The following FRMPD4 variants were observed in gnomAD, a reference collection of about 807,000 sequenced individuals.
FRMPD4 encodes the protein FERM and PDZ domain containing 4, also known as FERM and PDZ domain-containing protein 4.
FRMPD4 carries 22 observed loss-of-function variants against 94.1 expected under a neutral mutation model. The ratio of observed to expected loss-of-function variants is 0.23; its 90% CI spans 0.17 to 0.33. The LOEUF (loss-of-function observed/expected upper bound fraction) is 0.33, where lower values mean the gene tolerates loss of function less well. FRMPD4 is among the 10% of genes least tolerant of loss of function. The pLI, the probability that FRMPD4 is intolerant of heterozygous loss-of-function variation, is 1.00. For synonymous variants in FRMPD4, 631 were observed against 548.6 expected (o/e 1.15, Z -2.10); for missense variants, 1,111 against 1,339.9 (o/e 0.83, Z 2.67).
At chrX:12,216,390 T>C (rs1233503356) in intron 1 of FRMPD4, among the ~76,000 whole-genome samples, 1 of 111,860 alleles carries the variant, frequency 8.9e-6, no homozygotes, top group Non-Finnish European at 1.9e-5. Context: ...AAGCATAAGC[T>C]GTTGCATCTT....
chrX:12,353,111 A>T (rs1035491800), intron 1 of FRMPD4, among the ~76,000 whole-genome samples: 2 of 111,614 alleles, frequency 1.8e-5, no homozygotes, highest in African/African-American at 3.3e-5. Context: ...GGCTTTCAGG[A>T]CCAGAGACAG....
chrX:12,087,587 CAA>C (rs1010046974), intron 3 of FRMPD4, among the ~76,000 whole-genome samples: 6 of 111,774 alleles, frequency 5.4e-5, no homozygotes, highest in Non-Finnish European at 1.1e-4. Context: ...GAAAGAGGTA[CAA>C]AAGTCTTGTT....
At chrX:12,001,086 G>A (rs1053036756) in intron 3 of FRMPD4, among the ~76,000 whole-genome samples, 1 of 111,991 alleles carries the variant, frequency 8.9e-6, no homozygotes, top group African/African-American at 3.2e-5. Context: ...GAAGGTATCT[G>A]TACTGTTTGC....
intron 1 of FRMPD4, among the ~76,000 whole-genome samples, chrX:12,181,277 AT>A (rs746678321): frequency 4.6e-4 from 52 of 112,118 alleles, no homozygotes; most frequent in Non-Finnish European, 3.6e-4. Context: ...AATTCTAGAT[AT>A]TAGAAATACA....
chrX:12,416,503 G>A (rs1005423100), intron 1 of FRMPD4, among the ~76,000 whole-genome samples: 1 of 112,298 alleles, frequency 8.9e-6, no homozygotes, highest in Admixed American at 9.4e-5. Flanking sequence ...CTAATTTGTG[G>A]CATTAATAAT....
At chrX:12,085,360 C>A (rs982502121) in intron 3 of FRMPD4, among the ~76,000 whole-genome samples, 4 of 111,092 alleles carry the variant, frequency 3.6e-5, no homozygotes, top group African/African-American at 1.3e-4. Context: ...ATGAATAATA[C>A]CCCTTAATGA....
At chrX:12,349,565 A>G (rs1229754775) in intron 1 of FRMPD4, among the ~76,000 whole-genome samples, 2 of 111,607 alleles carry the variant, frequency 1.8e-5, no homozygotes, top group African/African-American at 6.5e-5. Flanking sequence ...CTGAGCATGT[A>G]ACTGAACATG....
intron 1 of FRMPD4, among the ~76,000 whole-genome samples, chrX:12,168,477 G>A (rs1027444291): frequency 4.5e-5 from 5 of 110,505 alleles, no homozygotes; most frequent in African/African-American, 1.3e-4. Flanking sequence ...ACACAAAACC[G>A]CAAGAAAATA....
At chrX:12,150,095 CA>C (rs1040708035) in intron 1 of FRMPD4, among the ~76,000 whole-genome samples, 21 of 112,022 alleles carry the variant, frequency 1.9e-4, no homozygotes, top group Non-Finnish European at 3.8e-4. Context: ...ACTGGGAAAC[CA>C]AAAAAATTAT....
Position 12,721,689 on chromosome X carries a change from A to C in FRMPD4, c.5120A>C (p.Lys1707Thr). 1.1e-5 allele frequency: 8 copies of C among 752,360 alleles called. No individual in the cohort carries two copies. Among genetic ancestry groups the C allele is most frequent in the Non-Finnish European group, 1.3e-5 (8 of 636,037 alleles). 62.0% of individuals were successfully genotyped at this position (752,360 alleles called of 1,213,427 possible). The change falls in exon 17 of 17, where the codon AAG becomes ACG. Residue 1707 changes from lysine (K) to threonine (T), a missense_variant. Coordinates refer to ENST00000675598, the MANE Select transcript of FRMPD4 (RefSeq NM_001368397.1). ...ACACAGCGGCAGGAAATTGTAGGGA[A>C]GATCGATGAAGTGGTCATAAATTAC... Reference protein sequence around the residue: ...SETQRQEIVGKIDEVVINYIC... With the variant: ...SETQRQEIVGTIDEVVINYIC...
At chrX:12,231,030 GTA>G (rs56948982) in intron 1 of FRMPD4, among the ~76,000 whole-genome samples, 6 of 26,377 alleles carry the variant, frequency 2.3e-4, no homozygotes, top group East Asian at 1.1e-3. Context: ...TATATATATA[GTA>G]TATATATATA....
intron 3 of FRMPD4, among the ~76,000 whole-genome samples, chrX:12,072,179 T>G (rs759918428): frequency 9.0e-6 from 1 of 111,253 alleles, no homozygotes; most frequent in South Asian, 3.9e-4. Flanking sequence ...TAATCATGAC[T>G]CATAGCAATA....
intron 5 of FRMPD4, among the ~76,000 whole-genome samples, chrX:12,677,426 T>C (rs907753647): frequency 2.0e-4 from 22 of 110,063 alleles, no homozygotes; most frequent in African/African-American, 7.0e-4. Context: ...GACTGCAATC[T>C]TTTACTTATA....
intron 2 of FRMPD4, among the ~76,000 whole-genome samples, chrX:12,594,241 A>G (rs1361401988): frequency 9.0e-6 from 1 of 111,116 alleles, no homozygotes; most frequent in South Asian, 3.8e-4. Flanking sequence ...TGGGTTTCAC[A>G]TTATGCTTAG....
intron 1 of FRMPD4, among the ~76,000 whole-genome samples, chrX:11,848,501 C>G (rs748491613): frequency 9.4e-6 from 1 of 106,515 alleles, no homozygotes; most frequent in African/African-American, 3.4e-5. Flanking sequence ...TAAGTCTTCC[C>G]CAGCCTGTGT....
chrX:11,924,425 A>G (rs1436939220), intron 3 of FRMPD4, among the ~76,000 whole-genome samples: 3 of 111,839 alleles, frequency 2.7e-5, no homozygotes, highest in African/African-American at 9.7e-5. Flanking sequence ...AAGATAATCT[A>G]CAAGAAGATC....
chrX:12,179,249 G>A (rs895692472), intron 1 of FRMPD4, among the ~76,000 whole-genome samples: 2 of 111,122 alleles, frequency 1.8e-5, no homozygotes, highest in Admixed American at 9.6e-5. Flanking sequence ...ACCTAGCTTT[G>A]GAAGGTATAT....
chrX:12,690,403 C>T, intron 8 of FRMPD4, 77 bp downstream of exon 8: 3 of 873,920 alleles, frequency 3.4e-6, no homozygotes, highest in South Asian at 2.6e-5. Context: ...TTCTCCCCCA[C>T]TCTAATCCTG....
rs755030584 is a variant in FRMPD4, at chrX:11,825,565, AAATGTTT to A, written c.-161+2853_-161+2859del. Among the ~76,000 whole-genome samples, 95 of 108,723 alleles carry A rather than the reference AAATGTTT, an allele frequency of 8.7e-4. 1 individual carries two copies. The highest frequency in any genetic ancestry group is 3.0e-3 in the African/African-American group (88 of 29,322). 94.4% of individuals were successfully genotyped at this position (108,723 alleles called of 115,157 possible). A position where few individuals can be genotyped will look rare whatever the true frequency, so the allele number is the denominator to read the frequency against. On this transcript the variant is annotated intron_variant, in intron 1 of 18. Transcript: ENST00000640291. The stretch of plus-strand genomic sequence containing the variant: ...GTTTAATACTTAGTTGGACTTCTGT[AAATGTTT>A]AAAAATAATAACAATATGTATCCTG...
Sources: gnomAD v4.1 joint callset for allele counts (sites outside exome capture counted in the v4.1 genomes callset) on GRCh38, gnomAD v4.1.1 for gene constraint, MANE v1.5 for transcripts, NCBI Gene and HGNC (gene_info 2026-07-23, HGNC 2026-07-21) for gene names.